The following NKAIN3 variants were observed in gnomAD, a reference collection of about 807,000 sequenced individuals.
NKAIN3 encodes sodium/potassium-transporting ATPase subunit beta-1-interacting protein 3.
Under a neutral mutation model 30.2 loss-of-function variants are expected in NKAIN3, and 25 were observed. That is an observed-to-expected ratio of 0.83 (90% CI 0.60 to 1.16). The LOEUF (loss-of-function observed/expected upper bound fraction) is 1.16, where lower values mean the gene tolerates loss of function less well. Among genes scored for constraint, NKAIN3 ranks in the 50% most tolerant of loss-of-function variants. NKAIN3 has a pLI of 0.00. For missense variants in NKAIN3, 225 were observed against 254.1 expected, an observed-to-expected ratio of 0.89 and a Z score of 0.78; for synonymous variants, 91 against 89.6, an observed-to-expected ratio of 1.02 and a Z score of -0.09.
chr8:62,899,195 A>G (rs540157764), intron 4 of NKAIN3, among the ~76,000 whole-genome samples: 4 of 152,362 alleles, frequency 2.6e-5, no homozygotes, highest in Admixed American at 2.6e-4. Context: ...AACTGAAAAG[A>G]GAGCTTCCAT....
intron 4 of NKAIN3, among the ~76,000 whole-genome samples, chr8:62,851,525 G>A (rs1490615490): frequency 1.3e-5 from 2 of 152,122 alleles, no homozygotes; most frequent in East Asian, 3.9e-4. Context: ...GGACATCCCC[G>A]TCTTGTGCCG....
Position 62,979,834 on chromosome 8 carries a change from T to G in NKAIN3, c.*14427T>G, listed in dbSNP as rs1292376028. On this transcript the variant is annotated 3_prime_UTR_variant, in exon 7 of 7. Transcript: ENST00000623646. ...CAATTCAATGCCTTTTTTGCCTGCG[T>G]TTGTTTGGACCCTGCTAATCAAGGC... 1 of 152,158 alleles carries G rather than the reference T, an allele frequency of 6.6e-6. No homozygotes were observed. The highest frequency in any genetic ancestry group is 2.4e-5 in the African/African-American group (1 of 41,430). The allele number at this position is 152,158 out of a possible 1,614,324, so 9.4% of individuals were successfully genotyped here.
intron 3 of NKAIN3, among the ~76,000 whole-genome samples, chr8:62,732,159 G>A (rs116361828): frequency 0.028 from 4,244 of 152,022 alleles, 93 homozygotes; most frequent in Non-Finnish European, 0.041. Context: ...CCCAAAAGTC[G>A]TAACTAGGAA....
intron 4 of NKAIN3, among the ~76,000 whole-genome samples, chr8:62,873,994 T>A: frequency 2.1e-5 from 3 of 145,234 alleles, no homozygotes; most frequent in South Asian, 2.2e-4. Flanking sequence ...CAGAGAAGAA[T>A]TGAAGGAGAT....
chr8:62,380,485 A>G (rs1817241016), intron 1 of NKAIN3, among the ~76,000 whole-genome samples: 1 of 152,130 alleles, frequency 6.6e-6, no homozygotes, highest in East Asian at 1.9e-4. Flanking sequence ...TGCATGCCCC[A>G]CTTTCCAGCA....
intron 1 of NKAIN3, among the ~76,000 whole-genome samples, chr8:62,478,479 A>G (rs181709859): frequency 6.6e-6 from 1 of 152,278 alleles, no homozygotes; most frequent in Admixed American, 6.5e-5. Context: ...CTGAAGGTAT[A>G]AGTTTTGAAG....
At chr8:62,439,909 T>C (rs578062031) in intron 1 of NKAIN3, among the ~76,000 whole-genome samples, 1 of 152,320 alleles carries the variant, frequency 6.6e-6, no homozygotes, top group South Asian at 2.1e-4. Context: ...GGTTTGTTGT[T>C]GCTGTGTTTA....
chr8:62,510,457 A>G (rs1312212053), intron 1 of NKAIN3, among the ~76,000 whole-genome samples: 3 of 152,058 alleles, frequency 2.0e-5, no homozygotes, highest in Non-Finnish European at 4.4e-5. Flanking sequence ...TCAGCTTACC[A>G]TGACAACTCA....
chr8:62,725,192 TC>T (rs778899248), intron 3 of NKAIN3, among the ~76,000 whole-genome samples: 4 of 152,184 alleles, frequency 2.6e-5, no homozygotes, highest in Non-Finnish European at 5.9e-5. Flanking sequence ...TGAAAAAATA[TC>T]TATTCAGATC....
At chr8:62,523,340 C>T (rs1303635427) in intron 1 of NKAIN3, among the ~76,000 whole-genome samples, 1 of 152,096 alleles carries the variant, frequency 6.6e-6, no homozygotes, top group Non-Finnish European at 1.5e-5. Flanking sequence ...TTTCTCAGAA[C>T]ATATCTCATT....
intron 1 of NKAIN3, among the ~76,000 whole-genome samples, chr8:62,478,527 A>G (rs768174038): frequency 3.9e-5 from 6 of 152,174 alleles, no homozygotes; most frequent in East Asian, 1.9e-4. Context: ...CTCTACCAAC[A>G]CTAAGTCATG....
chr8:62,380,952 G>A (rs904376311), intron 1 of NKAIN3, among the ~76,000 whole-genome samples: 2 of 152,092 alleles, frequency 1.3e-5, no homozygotes, highest in African/African-American at 2.4e-5. Context: ...TCCCTGTGAA[G>A]CACAAATGGG....
chr8:62,895,374 G>A (rs534893002), intron 4 of NKAIN3, among the ~76,000 whole-genome samples: 18 of 152,122 alleles, frequency 1.2e-4, no homozygotes, highest in Admixed American at 4.6e-4. Flanking sequence ...ATGCAAAGAG[G>A]AGCAGTCACA....
chr8:62,449,210 G>A (rs993919497), intron 1 of NKAIN3, among the ~76,000 whole-genome samples: 1 of 151,886 alleles, frequency 6.6e-6, no homozygotes, highest in African/African-American at 2.4e-5. Flanking sequence ...TATTTTCCAC[G>A]ATTGCACACT....
chr8:62,731,486 A>G (rs1815464275), intron 3 of NKAIN3, among the ~76,000 whole-genome samples: 1 of 152,198 alleles, frequency 6.6e-6, no homozygotes, highest in Non-Finnish European at 1.5e-5. Context: ...TGATATAAAT[A>G]CACTAGTAAA....
chr8:62,556,234 T>C (rs1809382232), intron 1 of NKAIN3, among the ~76,000 whole-genome samples: 1 of 151,880 alleles, frequency 6.6e-6, no homozygotes, highest in African/African-American at 2.4e-5. Context: ...TGTTCTAAGG[T>C]GATTATATTG....
intron 4 of NKAIN3, among the ~76,000 whole-genome samples, chr8:62,889,300 G>T (rs979583919): frequency 6.6e-6 from 1 of 151,974 alleles, no homozygotes; most frequent in East Asian, 1.9e-4. Flanking sequence ...AACCTGGGAG[G>T]CGGAGGTTAC....
At chr8:62,900,156 G>T (rs1245522056) in intron 4 of NKAIN3, among the ~76,000 whole-genome samples, 3 of 152,036 alleles carry the variant, frequency 2.0e-5, no homozygotes, top group Non-Finnish European at 2.9e-5. Flanking sequence ...TTACAATAAG[G>T]CCAAACGTAA....
At chr8:62,458,250 A>T (rs944824041) in intron 1 of NKAIN3, among the ~76,000 whole-genome samples, 1 of 152,226 alleles carries the variant, frequency 6.6e-6, no homozygotes, top group African/African-American at 2.4e-5. Flanking sequence ...AGCCATCTCT[A>T]CAAAAATTTA....
Sources: allele counts gnomAD v4.1 joint callset (sites outside exome capture counted in the v4.1 genomes callset), GRCh38; gene constraint gnomAD v4.1.1; transcripts MANE v1.5; gene names NCBI Gene and HGNC (gene_info 2026-07-23, HGNC 2026-07-21).